Variants in CALML4 observed in about 807,000 individuals in gnomAD.
CALML4 encodes calmodulin like 4, also known as calmodulin-like protein 4.
In CALML4, 16 loss-of-function variants were observed where a neutral mutation model predicts 17.9. The ratio of observed to expected loss-of-function variants is 0.89; its 90% CI spans 0.61 to 1.36. CALML4 has a LOEUF of 1.36. Among genes scored for constraint, CALML4 ranks in the 40% most tolerant of loss-of-function variants. The pLI is 0.00. For synonymous variants in CALML4, 86 were observed against 71.5 expected (o/e 1.20, Z -1.02); for missense variants, 203 against 194.8 (o/e 1.04, Z -0.25).
At chr15:68,195,061 A>C (rs1595808474) in intron 4 of CALML4, among the ~76,000 whole-genome samples, 1 of 152,120 alleles carries the variant, frequency 6.6e-6, no homozygotes, top group East Asian at 1.9e-4. Context: ...AAAAAAAAAA[A>C]ATCACTTCAT....
rs907546786 is a variant in CALML4 at position 68,191,459 on chromosome 15, A to G, written c.*2556T>C. On this transcript the variant is annotated 3_prime_UTR_variant, in exon 5 of 5. Coordinates refer to ENST00000467889, the MANE Select transcript of CALML4 (RefSeq NM_033429.3). ...TAGATGTAATAAAAGAAAAGCCTTC[A>G]GTTAATTTGTCTTCTGTAAAATAAC... The G allele has an allele frequency of 6.5e-6, 1 of 152,686 alleles. No homozygotes were observed. The highest frequency in any genetic ancestry group is 6.5e-5 in the Admixed American group (1 of 15,288). 9.5% of individuals were successfully genotyped at this position (152,686 alleles called of 1,614,324 possible). A position where few individuals can be genotyped will look rare whatever the true frequency, so the allele number is the denominator to read the frequency against.
At chr15:68,202,388 T>C (rs1212499482) in intron 2 of CALML4, among the ~76,000 whole-genome samples, 1 of 152,224 alleles carries the variant, frequency 6.6e-6, no homozygotes, top group African/African-American at 2.4e-5. Context: ...GGAGTATCGC[T>C]TGGGCCCAGG....
At chr15:68,203,659 C>G (rs1204160728) in intron 2 of CALML4, among the ~76,000 whole-genome samples, 1 of 152,202 alleles carries the variant, frequency 6.6e-6, no homozygotes, top group African/African-American at 2.4e-5. Flanking sequence ...GCCCAGCGTC[C>G]AGCATGTAAC....
rs2093158736 is a variant in CALML4 at position 68,199,659 on chromosome 15, C to G, written c.57G>C (p.Leu19=). ...QINEYKECFS[L]YDKQQRGKIK... ...TCTTCCCCCTCTGCTGCTTGTCATA[C>G]AGGGAGAAGCATTCCTTGTACTCTG... Residue 19 remains leucine, a synonymous_variant, in exon 3 of 5, where the codon CTG becomes CTC. Transcript: ENST00000467889. The G allele has an allele frequency of 3.1e-6, 5 of 1,613,418 alleles. No homozygotes were observed. In the East Asian group the frequency reaches 1.1e-4, roughly 36 times the overall value.
Position 68,192,472 on chromosome 15 carries a change from G to GTCACAACT in CALML4, c.*1535_*1542dup, listed in dbSNP as rs2141118468. 1 of 152,212 alleles carries GTCACAACT rather than the reference G, an allele frequency of 6.6e-6. No individual in the cohort carries two copies. 9.4% of individuals were successfully genotyped at this position (152,212 alleles called of 1,614,324 possible). The stretch of plus-strand genomic sequence containing the variant: ...TGGACCTGGGCTTCCCAGCCAGATG[G>GTCACAACT]TCACAACTTCACCTAGTTGGCATTT... On this transcript the variant is annotated 3_prime_UTR_variant, in exon 5 of 5. Coordinates refer to ENST00000467889, the MANE Select transcript of CALML4 (RefSeq NM_033429.3).
intron 2 of CALML4, among the ~76,000 whole-genome samples, chr15:68,203,402 A>C (rs2093171956): frequency 6.6e-6 from 1 of 152,162 alleles, no homozygotes; most frequent in Non-Finnish European, 1.5e-5. Context: ...ACTATTTCTC[A>C]CCCTTTTACC....
chr15:68,199,695 A>G lies in CALML4; in HGVS notation c.35-14T>C. 1 of 1,609,722 alleles carries G rather than the reference A, an allele frequency of 6.2e-7. No individual in the cohort carries two copies. Among genetic ancestry groups the G allele is most frequent in the Non-Finnish European group, 8.5e-7 (1 of 1,177,840 alleles). On this transcript the variant is annotated splice_polypyrimidine_tract_variant and intron_variant, in intron 2 of 4. Coordinates refer to ENST00000467889, the MANE Select transcript of CALML4 (RefSeq NM_033429.3). ...ATTCCTTGTACTCTGCACACGGCCC[A>G]GAGGGAGGGTCAGCAGCGTCTGGTC...
Position 68,204,540 on chromosome 15 carries a change from G to A in CALML4, c.34+581C>T, listed in dbSNP as rs1469251072. ...CTTTGTAACGCAACTCTTTGCTCTT[G>A]GCCTTCTGGAAATAGAACCCTGCAC... On this transcript the variant is annotated intron_variant, in intron 2 of 4. Transcript: ENST00000467889. The surrounding 1 kb of genome is among the most constrained non-coding windows in gnomAD (Gnocchi z 6.0). Among the ~76,000 whole-genome samples, 5 of 152,262 alleles carry A rather than the reference G, an allele frequency of 3.3e-5. No homozygotes were observed. Among genetic ancestry groups the A allele is most frequent in the African/African-American group, 4.8e-5 (2 of 41,558 alleles).
Position 68,199,642 on chromosome 15 carries a change from C to T in CALML4, c.74G>A (p.Arg25Lys), listed in dbSNP as rs769340358. 38 of 1,613,582 alleles carry T rather than the reference C, an allele frequency of 2.4e-5. 1 individual carries two copies. The highest frequency in any genetic ancestry group is 2.3e-5 in the Non-Finnish European group (27 of 1,179,956). ...GAGGTCGGTGGCTTTTATCTTCCCC[C>T]TCTGCTGCTTGTCATACAGGGAGAA... The part of the protein sequence containing the change: ...ECFSLYDKQQ[R>K]GKIKATDLMV... Residue 25 changes from arginine (R) to lysine (K), a missense_variant, in exon 3 of 5, where the codon AGG (arginine) becomes AAG (lysine). Transcript: ENST00000467889.
upstream of CALML4, chr15:68,205,508 C>T: frequency 4.5e-6 from 5 of 1,102,108 alleles, no homozygotes; most frequent in African/African-American, 1.6e-5. This position sits in a 1 kb window ranked among gnomAD's most constrained non-coding sequence, Gnocchi z 4.8. Context: ...AGAGTCTCTG[C>T]CTCCAGAAGC....
In CALML4 at chr15:68,197,022, C is replaced by T. The variant is rs759850470; in HGVS notation, c.364+418G>A. On this transcript the variant is annotated intron_variant, in intron 4 of 4. Transcript: ENST00000467889. The surrounding 1 kb of genome is among the most constrained non-coding windows in gnomAD (Gnocchi z 4.1). The stretch of plus-strand genomic sequence containing the variant: ...AAAAGGGCAGGGATGTCTAGACCTG[C>T]CTTCGCTCCTGCGCCGCTGCTTGGG... Among the ~76,000 whole-genome samples the T allele has an allele frequency of 1.3e-5, 2 of 152,200 alleles. No individual in the cohort carries two copies. The highest frequency in any genetic ancestry group is 2.9e-5 in the Non-Finnish European group (2 of 68,032).
rs146763730 is a variant in CALML4, at chr15:68,194,265, G to T, written c.365-153C>A. On this transcript the variant is annotated intron_variant, in intron 4 of 4. Transcript: ENST00000467889. ...GGAAGTAAACCAGTGAACAGAAAGG[G>T]ACAACCCATCCCTGCACTCCTGAGA... Among the ~76,000 whole-genome samples, 669 of 152,276 alleles carry T rather than the reference G, an allele frequency of 4.4e-3. 3 individuals are homozygous for T. Among genetic ancestry groups the T allele is most frequent in the Non-Finnish European group, 7.3e-3 (500 of 68,038 alleles).
Position 68,197,087 on chromosome 15 carries a change from G to A in CALML4, c.364+353C>T, listed in dbSNP as rs1014739044. Reference sequence around the variant, plus strand: ...CCTGCTTCTTTATCAGTAGGAGCAGGCATTTGTGCTCCCAGGGGTGTCATG... The same window carrying A: ...CCTGCTTCTTTATCAGTAGGAGCAGACATTTGTGCTCCCAGGGGTGTCATG... On this transcript the variant is annotated intron_variant, in intron 4 of 4. Coordinates refer to ENST00000467889, the MANE Select transcript of CALML4 (RefSeq NM_033429.3). This position sits in a 1 kb window ranked among gnomAD's most constrained non-coding sequence, Gnocchi z 4.1. Among the ~76,000 whole-genome samples the A allele has an allele frequency of 2.0e-5, 3 of 152,146 alleles. No homozygotes were observed. The highest frequency in any genetic ancestry group is 4.4e-5 in the Non-Finnish European group (3 of 68,012).
rs2093161185 is a variant in CALML4, at chr15:68,200,250, A to G, written c.35-569T>C. Among the ~76,000 whole-genome samples, 1 of 152,192 alleles carries G rather than the reference A, an allele frequency of 6.6e-6. No homozygotes were observed. The highest frequency in any genetic ancestry group is 6.5e-5 in the Admixed American group (1 of 15,286). On this transcript the variant is annotated intron_variant, in intron 2 of 4. Coordinates refer to ENST00000467889, the MANE Select transcript of CALML4 (RefSeq NM_033429.3). This position sits in a 1 kb window ranked among gnomAD's most constrained non-coding sequence, Gnocchi z 4.3. The stretch of plus-strand genomic sequence containing the variant: ...GCCAGAGAGTGGCCTTCATATGATG[A>G]TATTATCATCATCATCAGAGCTGGG...
intron 4 of CALML4, among the ~76,000 whole-genome samples, chr15:68,194,721 T>C (rs2093135716): frequency 6.6e-6 from 1 of 152,074 alleles, no homozygotes; most frequent in Non-Finnish European, 1.5e-5. Flanking sequence ...CATGAAAATA[T>C]GACCCCTGTG....
Position 68,192,732 on chromosome 15 carries a change from A to G in CALML4, c.*1283T>C, listed in dbSNP as rs1364411613. ...TGTCTTGTACATCCTCCCAAAAGAC[A>G]CATCCCATTTGATTTGGTTTTCTTC... On this transcript the variant is annotated 3_prime_UTR_variant, in exon 5 of 5. Transcript: ENST00000467889. 6.6e-6 allele frequency: 1 copy of G among 152,254 alleles called. No individual in the cohort carries two copies. The highest frequency in any genetic ancestry group is 1.5e-5 in the Non-Finnish European group (1 of 68,086). The allele number at this position is 152,254 out of a possible 1,614,324, so 9.4% of individuals were successfully genotyped here. A position where few individuals can be genotyped will look rare whatever the true frequency, so the allele number is the denominator to read the frequency against.
rs1223976391 is a variant in CALML4, at chr15:68,191,422, T to C, written c.*2593A>G. ...TTACCTATTGAATGTTACCTGTTTA[T>C]GTAGAGCTCTTTAGATGTAATAAAA... On this transcript the variant is annotated 3_prime_UTR_variant, in exon 5 of 5. Coordinates refer to ENST00000467889, the MANE Select transcript of CALML4 (RefSeq NM_033429.3). 1 of 152,666 alleles carries C rather than the reference T, an allele frequency of 6.6e-6. No individual in the cohort carries two copies. Among genetic ancestry groups the C allele is most frequent in the Non-Finnish European group, 1.5e-5 (1 of 68,038 alleles). 9.5% of individuals were successfully genotyped at this position (152,666 alleles called of 1,614,324 possible). A position where few individuals can be genotyped will look rare whatever the true frequency, so the allele number is the denominator to read the frequency against.
rs1278429055 is a variant in CALML4, at chr15:68,192,117, T to C, written c.*1898A>G. The C allele has an allele frequency of 6.6e-6, 1 of 152,252 alleles. No individual in the cohort carries two copies. The highest frequency in any genetic ancestry group is 1.5e-5 in the Non-Finnish European group (1 of 68,056). The allele number at this position is 152,252 out of a possible 1,614,324, so 9.4% of individuals were successfully genotyped here. On this transcript the variant is annotated 3_prime_UTR_variant, in exon 5 of 5. Transcript: ENST00000467889. The stretch of plus-strand genomic sequence containing the variant: ...TGCTCTTCCTGTGCCATCTAAATCA[T>C]TGGTATCTATCTCCCATCTAATCTT...
At chr15:68,195,094 G>C (rs933354061) in intron 4 of CALML4, among the ~76,000 whole-genome samples, 3 of 151,734 alleles carry the variant, frequency 2.0e-5, no homozygotes, top group Non-Finnish European at 4.4e-5. Flanking sequence ...TCTGGTTCTG[G>C]ATTCCTGGGA....
Sources: gnomAD v4.1 joint callset for allele counts (sites outside exome capture counted in the v4.1 genomes callset) on GRCh38, gnomAD v4.1.1 for gene constraint, Gnocchi (gnomAD v3.1) non-coding constraint, MANE v1.5 for transcripts, NCBI Gene and HGNC (gene_info 2026-07-23, HGNC 2026-07-21) for gene names.